GRID2: variants seen among roughly 807,000 people sequenced by gnomAD.
GRID2 encodes glutamate ionotropic receptor delta type subunit 2.
GRID2 carries 33 observed loss-of-function variants against 114.8 expected under a neutral mutation model. The ratio of observed to expected loss-of-function variants is 0.29; its 90% CI spans 0.22 to 0.38. The LOEUF (loss-of-function observed/expected upper bound fraction) is 0.38, where lower values mean the gene tolerates loss of function less well. Ranked by LOEUF, GRID2 falls within the 10% of genes least tolerant of loss-of-function variation. The pLI, the probability that GRID2 is intolerant of heterozygous loss-of-function variation, is 1.00. For missense variants in GRID2, 1,184 were observed against 1,257.7 expected, an observed-to-expected ratio of 0.94 and a Z score of 0.89; for synonymous variants, 505 against 449.9, an observed-to-expected ratio of 1.12 and a Z score of -1.55.
intron 13 of GRID2, among the ~76,000 whole-genome samples, chr4:93,596,380 C>A (rs1739091387): frequency 6.6e-6 from 1 of 152,024 alleles, no homozygotes; most frequent in Admixed American, 6.5e-5. Flanking sequence ...AGATCAAAAC[C>A]ATCCTGGCTA....
rs540488046 is a variant in GRID2 at position 93,197,539 on chromosome 4, A to G, written c.736-9865A>G. Among the ~76,000 whole-genome samples the G allele has an allele frequency of 2.0e-5, 3 of 152,312 alleles. No individual in the cohort carries two copies. The South Asian group carries it at 6.2e-4, about 32-fold the overall frequency. ...TATTATTATTAATGACATACTGTAA[A>G]TAGCATTCAATAAGCATTTACTGGA... is the stretch of plus-strand genomic sequence containing the variant. On this transcript the variant is annotated intron_variant, in intron 4 of 15. Transcript: ENST00000282020.
intron 6 of GRID2, among the ~76,000 whole-genome samples, chr4:93,218,165 G>A (rs1293203031): frequency 6.6e-6 from 1 of 151,928 alleles, no homozygotes; most frequent in Non-Finnish European, 1.5e-5. Flanking sequence ...TCATTACCCT[G>A]TAACTTTCTG....
chr4:93,415,218 G>T (rs1453834700), intron 9 of GRID2, among the ~76,000 whole-genome samples: 1 of 152,006 alleles, frequency 6.6e-6, no homozygotes, highest in African/African-American at 2.4e-5. Flanking sequence ...CCTTACAGCT[G>T]CAATATGTTA....
chr4:92,601,594 T>C (rs1729217328), intron 2 of GRID2, among the ~76,000 whole-genome samples: 1 of 151,990 alleles, frequency 6.6e-6, no homozygotes, highest in South Asian at 2.1e-4. Context: ...AGATGTCAAA[T>C]TGACATCCTA....
At chr4:92,360,649 A>G (rs1728572132) in intron 1 of GRID2, among the ~76,000 whole-genome samples, 1 of 151,958 alleles carries the variant, frequency 6.6e-6, no homozygotes, top group Admixed American at 6.6e-5. Context: ...GCTTCATAAG[A>G]TTAGTGATGT....
chr4:93,435,480 A>G (rs1720987159), intron 10 of GRID2, among the ~76,000 whole-genome samples: 1 of 152,208 alleles, frequency 6.6e-6, no homozygotes, highest in Admixed American at 6.5e-5. Context: ...AAGTTAATTG[A>G]GAATGGTACC....
At chr4:92,622,770 C>T (rs553611463) in intron 2 of GRID2, among the ~76,000 whole-genome samples, 2 of 151,806 alleles carry the variant, frequency 1.3e-5, no homozygotes, top group South Asian at 2.1e-4. Context: ...GCCTCTGACT[C>T]TTAGGAAATT....
chr4:92,907,076 A>G (rs1748016266), intron 2 of GRID2, among the ~76,000 whole-genome samples: 3 of 152,182 alleles, frequency 2.0e-5, no homozygotes, highest in Non-Finnish European at 4.4e-5. Flanking sequence ...TATTTTATTA[A>G]TGGAATTTGT....
intron 2 of GRID2, among the ~76,000 whole-genome samples, chr4:92,653,448 A>G (rs948646164): frequency 2.6e-5 from 4 of 151,740 alleles, no homozygotes; most frequent in African/African-American, 7.3e-5. Flanking sequence ...TGAATTTATC[A>G]TGAAATATGG....
intron 14 of GRID2, among the ~76,000 whole-genome samples, chr4:93,755,753 A>T (rs947959679): frequency 6.6e-6 from 1 of 152,330 alleles, no homozygotes; most frequent in Middle Eastern, 3.4e-3. Context: ...TTTAGAACAA[A>T]GTTTTTGAAG....
At chr4:92,982,022 T>TAAAAAAAAAAAAAAAAAAAAAA (rs1161216679) in intron 2 of GRID2, among the ~76,000 whole-genome samples, 10 of 80,192 alleles carry the variant, frequency 1.2e-4, no homozygotes, top group Non-Finnish European at 2.0e-4. Context: ...AAAGTACTGG[T>TAAAAAAAAAAAAAAAAAAAAAA]AAAAAAAAAA....
At chr4:93,527,222 G>T (rs1005616222) in intron 13 of GRID2, among the ~76,000 whole-genome samples, 1 of 152,070 alleles carries the variant, frequency 6.6e-6, no homozygotes, top group Non-Finnish European at 1.5e-5. Flanking sequence ...CAGATTAATT[G>T]TCATCTTAGG....
At chr4:93,201,930 T>A (rs77679270) in intron 4 of GRID2, among the ~76,000 whole-genome samples, 3 of 152,082 alleles carry the variant, frequency 2.0e-5, no homozygotes, top group Non-Finnish European at 4.4e-5. Context: ...TTTTTTTTTT[T>A]CCTTTTTTGC....
intron 2 of GRID2, among the ~76,000 whole-genome samples, chr4:92,962,910 A>G (rs1400634243): frequency 2.0e-5 from 3 of 151,932 alleles, no homozygotes; most frequent in Non-Finnish European, 2.9e-5. Flanking sequence ...TGCCTTAGAG[A>G]CATTGAAGGT....
intron 1 of GRID2, among the ~76,000 whole-genome samples, chr4:92,563,190 T>C (rs559703104): frequency 6.6e-6 from 1 of 152,148 alleles, no homozygotes; most frequent in Non-Finnish European, 1.5e-5. Context: ...AATGGTTTTA[T>C]GGTTGTTAGG....
intron 14 of GRID2, among the ~76,000 whole-genome samples, chr4:93,747,319 T>C (rs1731926831): frequency 6.6e-6 from 1 of 152,156 alleles, no homozygotes; most frequent in African/African-American, 2.4e-5. Context: ...CTAAAATTTT[T>C]CTGAGTGAAC....
At chr4:92,744,712 G>A (rs1346388135) in intron 2 of GRID2, among the ~76,000 whole-genome samples, 1 of 151,926 alleles carries the variant, frequency 6.6e-6, no homozygotes, top group East Asian at 1.9e-4. Flanking sequence ...TCTATTACCT[G>A]AGGCTCAAGG....
intron 2 of GRID2, among the ~76,000 whole-genome samples, chr4:92,616,008 A>C (rs116455850): frequency 0.017 from 2,598 of 151,722 alleles, 73 homozygotes; most frequent in African/African-American, 0.06. Context: ...TAAATCAGTT[A>C]AAGAAAAGAG....
chr4:92,593,969 G>C (rs1434160938), intron 2 of GRID2, among the ~76,000 whole-genome samples: 1 of 150,780 alleles, frequency 6.6e-6, no homozygotes, highest in Non-Finnish European at 1.5e-5. Flanking sequence ...AAAACCTTGA[G>C]AATTATAGGG....
Sources: gnomAD v4.1 joint callset for allele counts (sites outside exome capture counted in the v4.1 genomes callset) on GRCh38, gnomAD v4.1.1 for gene constraint, MANE v1.5 for transcripts, NCBI Gene and HGNC (gene_info 2026-07-23, HGNC 2026-07-21) for gene names.